PLAA: variants seen among roughly 807,000 people sequenced by gnomAD.
PLAA encodes the protein phospholipase A-2-activating protein.
In PLAA, 48 loss-of-function variants were observed where a neutral mutation model predicts 84.1. The observed-to-expected ratio is 0.57, with a 90% CI of 0.45 to 0.73. PLAA has a LOEUF of 0.73. Ranked by LOEUF, PLAA falls within the 30% of genes least tolerant of loss-of-function variation. The pLI, the probability that PLAA is intolerant of heterozygous loss-of-function variation, is 0.00. For synonymous variants in PLAA, 392 were observed against 336.6 expected (o/e 1.16, Z -1.80); for missense variants, 903 against 954.7 (o/e 0.95, Z 0.71).
chr9:26,937,257 T>C (rs1433521836), intron 1 of PLAA, among the ~76,000 whole-genome samples: 2 of 151,640 alleles, frequency 1.3e-5, no homozygotes, highest in African/African-American at 2.4e-5. Context: ...ATGGAAAAAA[T>C]TAGAAAGTGA....
intron 1 of PLAA, among the ~76,000 whole-genome samples, chr9:26,943,153 G>C (rs1335010543): frequency 6.6e-6 from 1 of 152,118 alleles, no homozygotes; most frequent in East Asian, 1.9e-4. Context: ...GACAGACTTG[G>C]GAAATGTAAT....
intron 2 of PLAA, among the ~76,000 whole-genome samples, chr9:26,931,997 G>C (rs1049686384): frequency 4.6e-5 from 7 of 152,232 alleles, no homozygotes; most frequent in South Asian, 2.1e-4. Context: ...AGAGGCAGGA[G>C]AATCACTTGA....
chr9:26,913,007 G>C (rs1289038088), intron 11 of PLAA, among the ~76,000 whole-genome samples: 1 of 152,158 alleles, frequency 6.6e-6, no homozygotes, highest in African/African-American at 2.4e-5. Flanking sequence ...AGGATCATGT[G>C]AGCCCAGGAG....
At chr9:26,920,855 T>A (rs764322410) in intron 7 of PLAA, among the ~76,000 whole-genome samples, 1 of 152,126 alleles carries the variant, frequency 6.6e-6, no homozygotes, top group Admixed American at 6.6e-5. Context: ...TCCATCATCA[T>A]CCCTTGGTCC....
chr9:26,908,122 A>T (rs1047246983), intron 12 of PLAA, 124 bp from the exon 13 acceptor site: 14 of 630,502 alleles, frequency 2.2e-5, no homozygotes, highest in Non-Finnish European at 3.5e-5. Flanking sequence ...TTTACTCAGC[A>T]ATTATCAAAC....
At chr9:26,918,944 T>C (rs1307143046) in intron 9 of PLAA, among the ~76,000 whole-genome samples, 1 of 152,214 alleles carries the variant, frequency 6.6e-6, no homozygotes, top group Non-Finnish European at 1.5e-5. Flanking sequence ...TAGGGTTCAC[T>C]TTTAGATTTG....
At chr9:26,941,529 A>T (rs1048074873) in intron 1 of PLAA, among the ~76,000 whole-genome samples, 2 of 152,218 alleles carry the variant, frequency 1.3e-5, no homozygotes, top group Non-Finnish European at 2.9e-5. Flanking sequence ...TGAGCACACA[A>T]TAAAGATTAC....
intron 12 of PLAA, among the ~76,000 whole-genome samples, chr9:26,908,769 C>T (rs10812491): frequency 0.093 from 14,171 of 152,116 alleles, 1,576 homozygotes; most frequent in East Asian, 0.61. Context: ...CCACCACGTC[C>T]GGCCTCCATT....
At chr9:26,923,091 CA>C in intron 7 of PLAA, 86 bp downstream of exon 7, 1 of 977,934 alleles carries the variant, frequency 1.0e-6, no homozygotes, top group Non-Finnish European at 1.5e-6. Context: ...ATGAAAAACA[CA>C]AGCAAAACAA....
chr9:26,920,922 G>GC (rs1307142527), intron 7 of PLAA, among the ~76,000 whole-genome samples: 1 of 151,840 alleles, frequency 6.6e-6, no homozygotes, highest in Non-Finnish European at 1.5e-5. Flanking sequence ...TGTACTCTTG[G>GC]CCCCCGACAG....
rs1369857233 is a variant in PLAA, at chr9:26,926,427, A to G, written c.699T>C (p.Tyr233=). 4 of 1,608,598 alleles carry G rather than the reference A, an allele frequency of 2.5e-6. No individual in the cohort carries two copies. The highest frequency in any genetic ancestry group is 3.4e-6 in the Non-Finnish European group (4 of 1,175,344). The part of the protein sequence containing the change: ...CLEVYYGHTN[Y]IYSISVFPNC... ...TTGGAAAAACGGATATGCTATAAAT[A>G]TAATTTGTATGTCCATAATATACTT... The change falls in exon 5 of 14, where the codon TAT becomes TAC. Residue 233 remains tyrosine, a synonymous_variant. Coordinates refer to ENST00000397292, the MANE Select transcript of PLAA (RefSeq NM_001031689.3).
intron 4 of PLAA, 110 bp from the exon 5 acceptor site, chr9:26,926,670 T>C: frequency 1.4e-6 from 1 of 737,750 alleles, no homozygotes; most frequent in Non-Finnish European, 2.0e-6. Context: ...AAATTAATTT[T>C]CAAGTTAGAG....
chr9:26,945,042 G>T (rs1175584737), intron 1 of PLAA, among the ~76,000 whole-genome samples: 1 of 152,040 alleles, frequency 6.6e-6, no homozygotes, highest in Non-Finnish European at 1.5e-5. Flanking sequence ...CAAGAGAATC[G>T]CTTGAACCCC....
intron 6 of PLAA, 121 bp downstream of exon 6, chr9:26,925,704 T>C (rs1164189916): frequency 1.3e-6 from 1 of 743,452 alleles, no homozygotes; most frequent in East Asian, 2.5e-5. Context: ...GTTTAGTAAT[T>C]GAAGTGTCCA....
Position 26,919,103 on chromosome 9 carries a change from T to C in PLAA, c.1417+207A>G, listed in dbSNP as rs1824668846. 9 of 414,674 alleles carry C rather than the reference T, an allele frequency of 2.2e-5. No homozygotes were observed. In the South Asian group the frequency reaches 7.0e-4, roughly 32 times the overall value. The allele number at this position is 414,674 out of a possible 1,614,324, so 25.7% of individuals were successfully genotyped here. On this transcript the variant is annotated intron_variant, in intron 9 of 13. Coordinates refer to ENST00000397292, the MANE Select transcript of PLAA (RefSeq NM_001031689.3). ...GAAATTCCATTATAGTATGATTGTA[T>C]TTTTGAAAGACAACAATTTACTATT...
intron 12 of PLAA, among the ~76,000 whole-genome samples, chr9:26,909,734 G>A (rs539088786): frequency 1.3e-5 from 2 of 151,414 alleles, no homozygotes; most frequent in South Asian, 4.2e-4. Flanking sequence ...AGTGATTCTC[G>A]TGCCTCAGCC....
chr9:26,939,587 C>T (rs1243216467), intron 1 of PLAA, among the ~76,000 whole-genome samples: 1 of 150,462 alleles, frequency 6.6e-6, no homozygotes. Flanking sequence ...TTAAATTCTC[C>T]AATCAAAAGA....
At chr9:26,944,801 A>G (rs1825637323) in intron 1 of PLAA, among the ~76,000 whole-genome samples, 1 of 152,188 alleles carries the variant, frequency 6.6e-6, no homozygotes, top group South Asian at 2.1e-4. Flanking sequence ...AGATAAATAC[A>G]TACAGGAATG....
chr9:26,945,419 G>A (rs373419808), intron 1 of PLAA, among the ~76,000 whole-genome samples: 4 of 152,274 alleles, frequency 2.6e-5, no homozygotes, highest in Middle Eastern at 6.8e-3. Flanking sequence ...TTCCATATTA[G>A]TATTACTAAG....
Sources: allele counts gnomAD v4.1 joint callset (sites outside exome capture counted in the v4.1 genomes callset), GRCh38; gene constraint gnomAD v4.1.1; transcripts MANE v1.5; gene names NCBI Gene and HGNC (gene_info 2026-07-23, HGNC 2026-07-21).